SHISA9: variants seen among roughly 807,000 people sequenced by gnomAD.
The protein encoded by SHISA9 is shisa family member 9.
A neutral mutation model predicts 38.0 loss-of-function variants in SHISA9; 13 were observed. The ratio of observed to expected loss-of-function variants is 0.34; its 90% CI spans 0.22 to 0.54. The LOEUF is 0.54. SHISA9 is among the 20% of genes least tolerant of loss of function. SHISA9 has a pLI of 0.91. For synonymous variants in SHISA9, 275 were observed against 242.0 expected, an observed-to-expected ratio of 1.14 and a Z score of -1.27; for missense variants, 538 against 575.8, an observed-to-expected ratio of 0.93 and a Z score of 0.67.
chr16:13,192,500 G>A lies in SHISA9; in HGVS notation c.692-10894G>A, dbSNP rs180763608. On this transcript the variant is annotated intron_variant, in intron 2 of 4. Transcript: ENST00000558583. The stretch of plus-strand genomic sequence containing the variant: ...CATAGACACTAAAATATGTGAGGAA[G>A]AATGGATGGATGAACCAAGCTGAAG... Among the ~76,000 whole-genome samples the A allele has an allele frequency of 1.7e-3, 259 of 152,120 alleles. 3 individuals are homozygous for A. Among genetic ancestry groups the A allele is most frequent in the African/African-American group, 5.9e-3 (246 of 41,490 alleles).
At chr16:13,252,430 C>T in the SHISA9 span, among the ~76,000 whole-genome samples, 1 of 152,196 alleles carries the variant, frequency 6.6e-6, no homozygotes, top group Non-Finnish European at 1.5e-5. Flanking sequence ...CACAGGACAG[C>T]TCTCCTGCTT....
At chr16:13,273,434 A>G in the SHISA9 span, among the ~76,000 whole-genome samples, 2 of 152,130 alleles carry the variant, frequency 1.3e-5, no homozygotes, top group African/African-American at 4.8e-5. Flanking sequence ...CTGATAGCGA[A>G]TAAGTCTCAT....
At chr16:13,091,103 C>T (rs2073770323) in intron 2 of SHISA9, among the ~76,000 whole-genome samples, 1 of 152,190 alleles carries the variant, frequency 6.6e-6, no homozygotes, top group African/African-American at 2.4e-5. Flanking sequence ...AAATTCTTTT[C>T]TTTAAGAATG....
intron 2 of SHISA9, among the ~76,000 whole-genome samples, chr16:13,020,354 A>G (rs990162632): frequency 1.7e-4 from 26 of 151,968 alleles, no homozygotes; most frequent in African/African-American, 5.5e-4. Context: ...ATTCTCTTGC[A>G]TCCTCTGACC....
intron 2 of SHISA9, among the ~76,000 whole-genome samples, chr16:12,920,981 C>T (rs1308981462): frequency 1.3e-5 from 2 of 152,174 alleles, no homozygotes; most frequent in African/African-American, 2.4e-5. Context: ...AAAGACTTTA[C>T]TGCCACAGTG....
chr16:13,003,082 A>G (rs1232833188), intron 2 of SHISA9, among the ~76,000 whole-genome samples: 1 of 152,202 alleles, frequency 6.6e-6, no homozygotes, highest in Non-Finnish European at 1.5e-5. Context: ...GGAGGGAACA[A>G]CATGTGCAGA....
chr16:13,003,814 C>T (rs961136925), intron 2 of SHISA9, among the ~76,000 whole-genome samples: 1 of 151,892 alleles, frequency 6.6e-6, no homozygotes, highest in Non-Finnish European at 1.5e-5. Flanking sequence ...GCCGAGATCG[C>T]GCCACTGCAC....
chr16:13,139,949 C>A (rs1458298741), intron 2 of SHISA9, among the ~76,000 whole-genome samples: 1 of 152,106 alleles, frequency 6.6e-6, no homozygotes, highest in Non-Finnish European at 1.5e-5. Flanking sequence ...CACAGCCTCA[C>A]CCACCTCTCA....
intron 2 of SHISA9, among the ~76,000 whole-genome samples, chr16:13,143,829 C>T (rs1164577927): frequency 6.6e-6 from 1 of 152,174 alleles, no homozygotes; most frequent in Non-Finnish European, 1.5e-5. Context: ...CTTCCCAAAT[C>T]CACATTCAGT....
chr16:13,265,700 T>C, the SHISA9 span, among the ~76,000 whole-genome samples: 7 of 151,292 alleles, frequency 4.6e-5, no homozygotes, highest in African/African-American at 1.7e-4. Context: ...CATCAAACCA[T>C]GTGATATATG....
the SHISA9 span, among the ~76,000 whole-genome samples, chr16:13,494,228 T>G: frequency 6.6e-6 from 1 of 152,172 alleles, no homozygotes; most frequent in Non-Finnish European, 1.5e-5. Context: ...CTATTTCTCC[T>G]CTGCCCACAC....
the SHISA9 span, among the ~76,000 whole-genome samples, chr16:13,446,510 T>C: frequency 6.6e-6 from 1 of 152,066 alleles, no homozygotes; most frequent in African/African-American, 2.4e-5. Flanking sequence ...GGGAAGTGAA[T>C]TGCTTTCAAT....
chr16:13,046,552 A>C (rs2073190530), intron 2 of SHISA9, among the ~76,000 whole-genome samples: 1 of 152,232 alleles, frequency 6.6e-6, no homozygotes, highest in Non-Finnish European at 1.5e-5. Flanking sequence ...GAGAGAATCA[A>C]TATTCTGTGC....
At chr16:13,241,633 A>G (rs2051436201), downstream of SHISA9, among the ~76,000 whole-genome samples, 1 of 152,240 alleles carries the variant, frequency 6.6e-6, no homozygotes, top group Admixed American at 6.5e-5. Flanking sequence ...TGGCTGCCCA[A>G]AGCCAGAGAT....
At chr16:13,444,202 C>G in the SHISA9 span, among the ~76,000 whole-genome samples, 1 of 152,140 alleles carries the variant, frequency 6.6e-6, no homozygotes, top group East Asian at 1.9e-4. Context: ...CAGACCCTGT[C>G]TTTACAAAAA....
intron 2 of SHISA9, chr16:13,197,574 T>C (rs1260152647): frequency 6.6e-6 from 1 of 152,170 alleles, no homozygotes; most frequent in Non-Finnish European, 1.5e-5. Flanking sequence ...TTGAAGACGA[T>C]TGTTGGATAT....
At chr16:12,929,465 A>G (rs986091154) in intron 2 of SHISA9, among the ~76,000 whole-genome samples, 1 of 152,238 alleles carries the variant, frequency 6.6e-6, no homozygotes, top group Non-Finnish European at 1.5e-5. Flanking sequence ...AGCCATAAAA[A>G]GGAACGAGAT....
intron 2 of SHISA9, among the ~76,000 whole-genome samples, chr16:12,991,283 T>A (rs2072382966): frequency 6.6e-6 from 1 of 152,208 alleles, no homozygotes; most frequent in African/African-American, 2.4e-5. Flanking sequence ...CAAAGGCAAC[T>A]CAGAACATAC....
intron 1 of SHISA9, among the ~76,000 whole-genome samples, chr16:12,906,133 C>T (rs955303692): frequency 2.6e-5 from 4 of 152,088 alleles, no homozygotes; most frequent in African/African-American, 9.7e-5. Context: ...AAGCAGCTTC[C>T]AGGTGAAATT....
Sources: gnomAD v4.1 joint callset for allele counts (sites outside exome capture counted in the v4.1 genomes callset) on GRCh38, gnomAD v4.1.1 for gene constraint, MANE v1.5 for transcripts, NCBI Gene and HGNC (gene_info 2026-07-23, HGNC 2026-07-21) for gene names.